Variants in APCDD1 observed in about 807,000 individuals in gnomAD.
APCDD1 encodes protein APCDD1.
Under a neutral mutation model 38.1 loss-of-function variants are expected in APCDD1, and 15 were observed. The ratio of observed to expected loss-of-function variants is 0.39; its 90% CI spans 0.26 to 0.61. APCDD1 has a LOEUF of 0.61. Ranked by LOEUF, APCDD1 falls within the 20% of genes least tolerant of loss-of-function variation. The pLI is 0.49. For missense variants in APCDD1, 647 were observed against 696.2 expected, an observed-to-expected ratio of 0.93 and a Z score of 0.79; for synonymous variants, 261 against 279.7, an observed-to-expected ratio of 0.93 and a Z score of 0.67.
chr18:10,486,480 C>G (rs2031252391), intron 4 of APCDD1, among the ~76,000 whole-genome samples: 1 of 152,180 alleles, frequency 6.6e-6, no homozygotes, highest in Non-Finnish European at 1.5e-5. Flanking sequence ...CCTGAGTGAG[C>G]AATAAAGAGG....
At chr18:10,458,529 C>T (rs1302159085) in intron 1 of APCDD1, among the ~76,000 whole-genome samples, 1 of 152,170 alleles carries the variant, frequency 6.6e-6, no homozygotes, top group Admixed American at 6.5e-5. Context: ...GCATGACTCA[C>T]CTGTACCCAA....
chr18:10,470,405 G>A lies in APCDD1; in HGVS notation c.243-1125G>A, dbSNP rs1279272138. Reference sequence around the variant, plus strand: ...GCTTTATGTCCATAGGATGTTACTCGACATCAGTTGTCAAACGTTACATAG... The same window carrying A: ...GCTTTATGTCCATAGGATGTTACTCAACATCAGTTGTCAAACGTTACATAG... On this transcript the variant is annotated intron_variant, in intron 2 of 4. Transcript: ENST00000355285. This position sits in a 1 kb window ranked among gnomAD's most constrained non-coding sequence, Gnocchi z 4.1. 6.6e-6 allele frequency among the ~76,000 whole-genome samples: 1 copy of A among 152,102 alleles called. No homozygotes were observed. The highest frequency in any genetic ancestry group is 2.1e-4 in the South Asian group (1 of 4,816).
Position 10,487,828 on chromosome 18 carries a change from C to A in APCDD1, c.1335C>A (p.Asp445Glu). 6.2e-7 allele frequency: 1 copy of A among 1,614,038 alleles called. No individual in the cohort carries two copies. The highest frequency in any genetic ancestry group is 1.1e-5 in the South Asian group (1 of 91,090). The change falls in exon 5 of 5, where the codon GAC (aspartate) becomes GAA (glutamate). Residue 445 changes from aspartate to glutamate, a missense_variant. Transcript: ENST00000355285. ...TGTTCAACGGTCAGAGGCCCAGCGA[C>A]GGGTCCAGCCCAGACAGGCCAGAGA... ...YLLFNGQRPS[D>E]GSSPDRPEKR...
At chr18:10,462,754 A>G (rs1025058506) in intron 1 of APCDD1, among the ~76,000 whole-genome samples, 8 of 147,026 alleles carry the variant, frequency 5.4e-5, no homozygotes, top group Non-Finnish European at 1.2e-4. Context: ...AGAGATGGTC[A>G]TTGCCTCTCC....
intron 3 of APCDD1, among the ~76,000 whole-genome samples, chr18:10,482,231 C>T (rs921117564): frequency 7.9e-5 from 12 of 152,130 alleles, no homozygotes; most frequent in Non-Finnish European, 1.3e-4. Flanking sequence ...GGAATTGAGA[C>T]TCTCACCTCC....
intron 3 of APCDD1, chr18:10,477,727 C>T (rs1793638099): frequency 6.6e-6 from 1 of 151,998 alleles, no homozygotes; most frequent in African/African-American, 2.4e-5. Flanking sequence ...TTGCTGAGCC[C>T]CAGGGGAGAA....
intron 1 of APCDD1, among the ~76,000 whole-genome samples, chr18:10,463,361 C>T (rs1217669917): frequency 2.0e-5 from 3 of 152,064 alleles, no homozygotes; most frequent in Non-Finnish European, 4.4e-5. Context: ...CCCTTCAGAG[C>T]CTTACTGATT....
At position 10,487,517 on chromosome 18, in the gene APCDD1, G is replaced by T. The variant is rs2031273267; in HGVS notation, c.1097-73G>T. On this transcript the variant is annotated intron_variant, in intron 4 of 4. Transcript: ENST00000355285. ...GCCTTGTCTAGTTAGAGTGTGGCCA[G>T]TGTTTTCTGGGTGGGTTTCTGGATC... 4 of 1,467,980 alleles carry T rather than the reference G, an allele frequency of 2.7e-6. No individual in the cohort carries two copies. In the East Asian group the frequency reaches 6.8e-5, roughly 25 times the overall value. The allele number at this position is 1,467,980 out of a possible 1,614,324, so 90.9% of individuals were successfully genotyped here.
chr18:10,463,463 A>C (rs1285150541), intron 1 of APCDD1, among the ~76,000 whole-genome samples: 3 of 152,242 alleles, frequency 2.0e-5, no homozygotes, highest in Non-Finnish European at 4.4e-5. Flanking sequence ...TTAGTTGACC[A>C]GAAATCTGAG....
At chr18:10,479,600 C>T (rs1451864592) in intron 3 of APCDD1, among the ~76,000 whole-genome samples, 1 of 152,182 alleles carries the variant, frequency 6.6e-6, no homozygotes, top group African/African-American at 2.4e-5. Context: ...CCTGAGGCAG[C>T]TCTGGCCAGG....
rs954614696 is a variant in APCDD1, at chr18:10,485,316, G to A, written c.775-146G>A. 2.6e-5 allele frequency: 22 copies of A among 850,966 alleles called. No homozygotes were observed. Among genetic ancestry groups the A allele is most frequent in the East Asian group, 7.5e-5 (3 of 40,194 alleles). 52.7% of individuals were successfully genotyped at this position (850,966 alleles called of 1,614,324 possible). The stretch of plus-strand genomic sequence containing the variant: ...ATCACTCTCACCTCTGTCTGTGCCC[G>A]GAGCATGATTCCAGTTGGTTCTTGG... On this transcript the variant is annotated intron_variant, in intron 3 of 4. Transcript: ENST00000355285. The surrounding 1 kb of genome is among the most constrained non-coding windows in gnomAD (Gnocchi z 5.8).
chr18:10,471,378 T>G lies in APCDD1; in HGVS notation c.243-152T>G. 1 of 991,048 alleles carries G rather than the reference T, an allele frequency of 1.0e-6. No homozygotes were observed. The highest frequency in any genetic ancestry group is 1.5e-6 in the Non-Finnish European group (1 of 659,194). The allele number at this position is 991,048 out of a possible 1,614,324, so 61.4% of individuals were successfully genotyped here. ...CTAACTCCTAGGTTGTTGTGAGGAG[T>G]CAATGAGTTGGTATCTATAAAGGGC... On this transcript the variant is annotated intron_variant, in intron 2 of 4. Coordinates refer to ENST00000355285, the MANE Select transcript of APCDD1 (RefSeq NM_153000.5). This position sits in a 1 kb window ranked among gnomAD's most constrained non-coding sequence, Gnocchi z 5.5.
Position 10,454,987 on chromosome 18 carries a change from C to G in APCDD1, c.6C>G (p.Ser2=), listed in dbSNP as rs1469167074. The change falls in exon 1 of 5, where the codon TCC becomes TCG. Residue 2 remains serine (S), a synonymous_variant. Coordinates refer to ENST00000355285, the MANE Select transcript of APCDD1 (RefSeq NM_153000.5). The part of the protein sequence containing the change: M[S]WPRRLLLRYL... The stretch of plus-strand genomic sequence containing the variant: ...GCCCCAGAGCAGGACTGGAAATGTC[C>G]TGGCCGCGCCGCCTCCTGCTCAGAT... The G allele has an allele frequency of 5.2e-6, 8 of 1,552,752 alleles. No homozygotes were observed. The highest frequency in any genetic ancestry group is 7.0e-6 in the Non-Finnish European group (8 of 1,148,886).
intron 1 of APCDD1, among the ~76,000 whole-genome samples, chr18:10,456,076 G>A (rs941300966): frequency 1.3e-5 from 2 of 152,182 alleles, no homozygotes; most frequent in South Asian, 2.1e-4. Context: ...CCTTCCCTCC[G>A]GAGGATCAAG....
At chr18:10,473,710 C>A (rs1278845773) in intron 3 of APCDD1, among the ~76,000 whole-genome samples, 1 of 152,064 alleles carries the variant, frequency 6.6e-6, no homozygotes, top group African/African-American at 2.4e-5. Flanking sequence ...GAGTGGGTGT[C>A]TTGGGAAAAT....
intron 4 of APCDD1, among the ~76,000 whole-genome samples, chr18:10,486,718 T>G (rs2031256955): frequency 6.6e-6 from 1 of 152,106 alleles, no homozygotes; most frequent in Admixed American, 6.6e-5. Context: ...CCCCTAAGTT[T>G]GAGCATCTTT....
At chr18:10,487,441 A>C in intron 4 of APCDD1, 149 bp from the exon 5 acceptor site, 3 of 758,932 alleles carry the variant, frequency 4.0e-6, no homozygotes, top group Non-Finnish European at 4.5e-6. Flanking sequence ...TTTGATGACT[A>C]CTGCTGTCAG....
intron 2 of APCDD1, 92 bp downstream of exon 2, chr18:10,468,744 C>A (rs1026832366): frequency 1.5e-5 from 20 of 1,326,690 alleles, no homozygotes; most frequent in Admixed American, 1.8e-5. Context: ...GACTTTATAT[C>A]ATTTACAATG....
At chr18:10,457,388 C>A (rs572115368) in intron 1 of APCDD1, among the ~76,000 whole-genome samples, 1 of 152,148 alleles carries the variant, frequency 6.6e-6, no homozygotes. Context: ...AACTGATAGG[C>A]GCTTTGCAGG....
Sources: allele counts gnomAD v4.1 joint callset (sites outside exome capture counted in the v4.1 genomes callset), GRCh38; gene constraint gnomAD v4.1.1; non-coding constraint Gnocchi (gnomAD v3.1); transcripts MANE v1.5; gene names NCBI Gene and HGNC (gene_info 2026-07-23, HGNC 2026-07-21).